Variants in MTSS2 observed in about 807,000 individuals in gnomAD.
MTSS2 encodes the protein MTSS I-BAR domain containing 2.
Under a neutral mutation model 67.1 loss-of-function variants are expected in MTSS2, and 27 were observed. That is an observed-to-expected ratio of 0.40 (90% CI 0.30 to 0.55). The LOEUF (loss-of-function observed/expected upper bound fraction) is 0.55, where lower values mean the gene tolerates loss of function less well. Ranked by LOEUF, MTSS2 falls within the 20% of genes least tolerant of loss-of-function variation. MTSS2 has a pLI of 0.43. For missense variants in MTSS2, 1,171 were observed against 1,067.8 expected, an observed-to-expected ratio of 1.10 and a Z score of -1.35; for synonymous variants, 624 against 468.6, an observed-to-expected ratio of 1.33 and a Z score of -4.28.
chr16:70,677,031 G>A (rs933092455), intron 9 of MTSS2, 53 bp from the exon 10 acceptor site: 24 of 1,397,482 alleles, frequency 1.7e-5, no homozygotes, highest in Non-Finnish European at 2.4e-5. Context: ...AGAGCTAGTA[G>A]GGCCAGAGGC....
At chr16:70,680,384 G>A (rs11075777) in intron 3 of MTSS2, among the ~76,000 whole-genome samples, 55,736 of 152,074 alleles carry the variant, frequency 0.37, 12,521 homozygotes, top group Non-Finnish European at 0.49. Flanking sequence ...AGCACGCCCA[G>A]GGCCCGAAGG....
At chr16:70,667,279 A>AC in intron 11 of MTSS2, among the ~76,000 whole-genome samples, 1 of 27,466 alleles carries the variant, frequency 3.6e-5, no homozygotes, top group Non-Finnish European at 8.3e-5. Context: ...ACTCTGTCTC[A>AC]AAAAAAAAAA....
chr16:70,673,147 G>T (rs2052998534), intron 11 of MTSS2, among the ~76,000 whole-genome samples: 1 of 152,150 alleles, frequency 6.6e-6, no homozygotes, highest in South Asian at 2.1e-4. Context: ...CTAGGTGACA[G>T]AGTAAGATCG....
At chr16:70,675,924 G>C (rs114426292) in intron 10 of MTSS2, among the ~76,000 whole-genome samples, 5,085 of 152,300 alleles carry the variant, frequency 0.033, 309 homozygotes, top group African/African-American at 0.12. Context: ...TTCAACCCTT[G>C]GGTGGTGTTC....
intron 10 of MTSS2, among the ~76,000 whole-genome samples, chr16:70,675,820 C>T (rs765402197): frequency 2.6e-5 from 4 of 152,222 alleles, no homozygotes; most frequent in Non-Finnish European, 5.9e-5. Context: ...CAGAGGTCAC[C>T]TTCCAAGTGG....
chr16:70,669,094 T>G (rs879589692), intron 11 of MTSS2, among the ~76,000 whole-genome samples: 1 of 152,168 alleles, frequency 6.6e-6, no homozygotes, highest in South Asian at 2.1e-4. Flanking sequence ...AAAACATCTT[T>G]GTGACCTTGC....
At chr16:70,676,314 C>CGG (rs2053114643) in intron 10 of MTSS2, among the ~76,000 whole-genome samples, 1 of 152,234 alleles carries the variant, frequency 6.6e-6, no homozygotes, top group African/African-American at 2.4e-5. Flanking sequence ...GTGAGGCTCC[C>CGG]GGGGCTAGCC....
At position 70,663,885 on chromosome 16, in the gene MTSS2, C is replaced by CCCAGCTTCT; in HGVS notation, c.2027_2035dup (p.Glu676_Leu678dup). 3 of 1,546,716 alleles carry CCCAGCTTCT rather than the reference C, an allele frequency of 1.9e-6. No individual in the cohort carries two copies. Among genetic ancestry groups the CCCAGCTTCT allele is most frequent in the Non-Finnish European group, 2.6e-6 (3 of 1,147,960 alleles). ...TGCGTGGGCACCCGCCACCAGCTCC[C>CCCAGCTTCT]CCAGCTTCTCCACCAGGCTGTGCCG... On this transcript the variant is annotated inframe_insertion, in exon 15 of 15. Coordinates refer to ENST00000338779, the MANE Select transcript of MTSS2 (RefSeq NM_138383.3).
Position 70,680,018 on chromosome 16 carries a change from C to A in MTSS2, c.243G>T (p.Met81Ile). 1 of 1,541,252 alleles carries A rather than the reference C, an allele frequency of 6.5e-7. No homozygotes were observed. Among genetic ancestry groups the A allele is most frequent in the East Asian group, 2.5e-5 (1 of 40,042 alleles). Residue 81 changes from methionine (M) to isoleucine (I), a missense_variant, in exon 4 of 15, where the codon ATG becomes ATT. Physicochemically the swap from Met to Ile is conservative, Grantham distance 10 (BLOSUM62 1). Coordinates refer to ENST00000338779, the MANE Select transcript of MTSS2 (RefSeq NM_138383.3). ...TRDIGSALTRMCMRHRSIETK... is the reference protein window; with the variant it reads ...TRDIGSALTRICMRHRSIETK... The stretch of plus-strand genomic sequence containing the variant: ...TCTCGATGCTGCGGTGGCGCATGCA[C>A]ATGCGTGTGAGCGCCGAGCCGATGT...
rs2151908907 is a variant in MTSS2 at position 70,665,055 on chromosome 16, G to A, written c.1170C>T (p.Ala390=). The A allele has an allele frequency of 1.3e-6, 2 of 1,597,808 alleles. No homozygotes were observed. Among genetic ancestry groups the A allele is most frequent in the South Asian group, 1.1e-5 (1 of 90,644 alleles). ...CTCGGTCCTTCCTCCGCTGCAGAGT[G>A]GCGCCTGAGGGCTGCTCATGGGAGC... ...KVGSHEQPSG[A]TLQRRKDRVE... is the part of the protein sequence containing the mutation. The change falls in exon 13 of 15, where the codon GCC becomes GCT. Residue 390 remains alanine (A), a synonymous_variant. Coordinates refer to ENST00000338779, the MANE Select transcript of MTSS2 (RefSeq NM_138383.3).
chr16:70,676,587 T>TA (rs1301680558), intron 10 of MTSS2, among the ~76,000 whole-genome samples: 1 of 152,156 alleles, frequency 6.6e-6, no homozygotes, highest in Non-Finnish European at 1.5e-5. Context: ...GTGTTAGGAT[T>TA]CAATGAGAAA....
At chr16:70,680,911 G>T (rs370944487) in intron 2 of MTSS2, 44 bp from the exon 3 acceptor site, 167 of 1,481,686 alleles carry the variant, frequency 1.1e-4, no homozygotes, top group Middle Eastern at 3.5e-4. Flanking sequence ...GGTTGGGCGG[G>T]GGGGGGGCCT....
chr16:70,661,459 C>A lies in MTSS2; in HGVS notation c.*2218G>T. 1 of 365,076 alleles carries A rather than the reference C, an allele frequency of 2.7e-6. No individual in the cohort carries two copies. Among genetic ancestry groups the A allele is most frequent in the Non-Finnish European group, 5.4e-6 (1 of 185,062 alleles). The allele number at this position is 365,076 out of a possible 1,614,324, so 22.6% of individuals were successfully genotyped here. A position where few individuals can be genotyped will look rare whatever the true frequency, so the allele number is the denominator to read the frequency against. Reference sequence around the variant, plus strand: ...TAAATTAAAAAAAGGAACGAGTTAACAACAGCACCAGGAAAGTTACTTCAG... The same window carrying A: ...TAAATTAAAAAAAGGAACGAGTTAAAAACAGCACCAGGAAAGTTACTTCAG... On this transcript the variant is annotated 3_prime_UTR_variant, in exon 15 of 15. Coordinates refer to ENST00000338779, the MANE Select transcript of MTSS2 (RefSeq NM_138383.3).
chr16:70,677,497 G>A (rs978619989), intron 9 of MTSS2, among the ~76,000 whole-genome samples: 1 of 152,108 alleles, frequency 6.6e-6, no homozygotes, highest in African/African-American at 2.4e-5. Flanking sequence ...CTCCAGGTTC[G>A]GCAGGAGGTC....
chr16:70,665,666 C>T (rs2052687582), intron 11 of MTSS2, 126 bp from the exon 12 acceptor site: 1 of 739,280 alleles, frequency 1.4e-6, no homozygotes, highest in African/African-American at 1.8e-5. Flanking sequence ...GCGCCTTGCC[C>T]AGCACCCACC....
At position 70,661,993 on chromosome 16, in the gene MTSS2, C is replaced by G. The variant is rs535284826; in HGVS notation, c.*1684G>C. The G allele has an allele frequency of 2.0e-5, 3 of 152,860 alleles. No individual in the cohort carries two copies. Among genetic ancestry groups the G allele is most frequent in the Non-Finnish European group, 2.9e-5 (2 of 68,580 alleles). The allele number at this position is 152,860 out of a possible 1,614,324, so 9.5% of individuals were successfully genotyped here. ...GGCTCTGGTGTTGGCCTGAGCTCCA[C>G]GGGCTGAGTGCTCGGCCAGGCAGTT... On this transcript the variant is annotated 3_prime_UTR_variant, in exon 15 of 15. Transcript: ENST00000338779.
intron 10 of MTSS2, 55 bp downstream of exon 10, chr16:70,676,826 C>T (rs2053130507): frequency 4.7e-6 from 7 of 1,483,598 alleles, no homozygotes; most frequent in Non-Finnish European, 6.5e-6. Flanking sequence ...GGAACATCCC[C>T]ACTTCCTCTT....
In MTSS2 at chr16:70,674,494, C is replaced by T. The variant is rs781080424; in HGVS notation, c.865G>A (p.Gly289Arg). The T allele has an allele frequency of 5.5e-5, 88 of 1,613,672 alleles. No individual in the cohort carries two copies. The highest frequency in any genetic ancestry group is 6.7e-5 in the East Asian group (3 of 44,894). The change falls in exon 11 of 15, where the codon GGA (glycine) becomes AGA (arginine). Residue 289 changes from glycine to arginine, a missense_variant. By Grantham distance (125) the Gly-to-Arg change is moderately radical. Around this residue, in one of 2 missense-constraint regions of MTSS2, gnomAD observed 924 missense variants for 756.0 expected, o/e 1.22. Transcript: ENST00000338779. The stretch of plus-strand genomic sequence containing the variant: ...TGGGCACCCCCAGGCCATGGGGCTC[C>T]GCCACCCTTGGCACTGCTACTGCTG... ...PSSSSSAKGG[G>R]APWPGGAQTY...
At chr16:70,666,819 G>A (rs1358113003) in intron 11 of MTSS2, among the ~76,000 whole-genome samples, 2 of 152,222 alleles carry the variant, frequency 1.3e-5, no homozygotes, top group Admixed American at 1.3e-4. Context: ...TGCTAGAAAG[G>A]AAGCTAATCT....
Sources: gnomAD v4.1 joint callset for allele counts (sites outside exome capture counted in the v4.1 genomes callset) on GRCh38, gnomAD v4.1.1 for gene constraint, gnomAD v4.1.1 regional missense constraint, MANE v1.5 for transcripts, NCBI Gene and HGNC (gene_info 2026-07-23, HGNC 2026-07-21) for gene names.